The following LYN variants were observed in gnomAD, a reference collection of about 807,000 sequenced individuals.
The protein encoded by LYN is tyrosine-protein kinase Lyn.
LYN carries 12 observed loss-of-function variants against 65.0 expected under a neutral mutation model. The ratio of observed to expected loss-of-function variants is 0.18; its 90% CI spans 0.12 to 0.30. The LOEUF is 0.30. LYN is among the 10% of genes least tolerant of loss of function. The pLI is 1.00. For synonymous variants in LYN, 222 were observed against 221.2 expected (o/e 1.00, Z -0.03); for missense variants, 380 against 623.2 (o/e 0.61, Z 4.16).
At chr8:55,894,438 T>A (rs911994528) in intron 1 of LYN, among the ~76,000 whole-genome samples, 18 of 151,750 alleles carry the variant, frequency 1.2e-4, no homozygotes, top group African/African-American at 4.4e-4. Context: ...GGCTCAATCT[T>A]GGCTCACTGC....
chr8:55,980,618 A>G (rs574464377), intron 10 of LYN: 6 of 152,288 alleles, frequency 3.9e-5, no homozygotes, highest in African/African-American at 1.4e-4. Context: ...TTTTGGATAA[A>G]CACTAGCTTT....
chr8:55,997,056 G>C (rs1808390101), intron 10 of LYN, among the ~76,000 whole-genome samples: 1 of 151,944 alleles, frequency 6.6e-6, no homozygotes, highest in South Asian at 2.1e-4. Context: ...AGCTACTCGG[G>C]AGGCTGAGGA....
At position 55,962,662 on chromosome 8, in the gene LYN, G is replaced by A. The variant is rs140872933; in HGVS notation, c.791-4053G>A. Among the ~76,000 whole-genome samples the A allele has an allele frequency of 2.2e-3, 329 of 152,284 alleles. 2 individuals are homozygous for A. Among genetic ancestry groups the A allele is most frequent in the African/African-American group, 7.7e-3 (318 of 41,558 alleles). On this transcript the variant is annotated intron_variant, in intron 8 of 12. Coordinates refer to ENST00000519728, the MANE Select transcript of LYN (RefSeq NM_002350.4). Reference sequence around the variant, plus strand: ...TGCCATATTGTGCTGTGCTGCATGTGTTTTCAAGATATACGATCATTTATC... The same window carrying A: ...TGCCATATTGTGCTGTGCTGCATGTATTTTCAAGATATACGATCATTTATC...
intron 1 of LYN, among the ~76,000 whole-genome samples, chr8:55,888,829 C>T (rs557139826): frequency 1.2e-4 from 18 of 152,146 alleles, no homozygotes; most frequent in Middle Eastern, 3.4e-3. Flanking sequence ...TTGGCCACCA[C>T]GCCTGGCCGA....
At chr8:55,917,699 T>C (rs1385751319) in intron 1 of LYN, among the ~76,000 whole-genome samples, 1 of 152,238 alleles carries the variant, frequency 6.6e-6, no homozygotes, top group Non-Finnish European at 1.5e-5. Context: ...CAGTGTCTAT[T>C]GCATAATATG....
chr8:55,946,378 T>C (rs1806777812), intron 2 of LYN, 70 bp from the exon 3 acceptor site: 3 of 968,226 alleles, frequency 3.1e-6, no homozygotes, highest in Non-Finnish European at 5.0e-6. Context: ...ACAAAAATCA[T>C]ATATACAACA....
Position 55,966,863 on chromosome 8 carries a change from G to C in LYN, c.939G>C (p.Glu313Asp). The C allele has an allele frequency of 6.2e-7, 1 of 1,614,000 alleles. No homozygotes were observed. The highest frequency in any genetic ancestry group is 8.5e-7 in the Non-Finnish European group (1 of 1,179,974). Reference sequence around the variant, plus strand: ...TCTACGCTGTGGTCACCAGGGAGGAGCCCATTTACATCATCACCGAGTACA... The same window carrying C: ...TCTACGCTGTGGTCACCAGGGAGGACCCCATTTACATCATCACCGAGTACA... ...VRLYAVVTRE[E>D]PIYIITEYMA... The change falls in exon 9 of 13, where the codon GAG becomes GAC. Residue 313 changes from glutamate (E) to aspartate (D), a missense_variant. Physicochemically the swap from Glu to Asp is conservative, Grantham distance 45. This residue lies in a region of LYN where 223 missense variants were observed against 430.0 expected (regional missense o/e 0.52). Transcript: ENST00000519728.
intron 1 of LYN, among the ~76,000 whole-genome samples, chr8:55,890,831 G>C (rs1804938331): frequency 6.6e-6 from 1 of 151,462 alleles, no homozygotes. Context: ...GGGCTCAGGT[G>C]ATCCTCCCAC....
At chr8:56,002,303 C>T (rs960834368) in intron 12 of LYN, among the ~76,000 whole-genome samples, 51 of 152,128 alleles carry the variant, frequency 3.4e-4, no homozygotes, top group African/African-American at 1.2e-3. Context: ...CCTGTAGTCC[C>T]AGCTACTCGG....
intron 1 of LYN, among the ~76,000 whole-genome samples, chr8:55,911,721 C>T (rs761460854): frequency 1.3e-5 from 2 of 151,982 alleles, no homozygotes; most frequent in Non-Finnish European, 2.9e-5. Context: ...GGAGTCAAAG[C>T]GACATGAGAT....
intron 1 of LYN, among the ~76,000 whole-genome samples, chr8:55,881,526 G>A (rs957857007): frequency 1.3e-5 from 2 of 152,196 alleles, no homozygotes; most frequent in African/African-American, 4.8e-5. Context: ...AAGCAGGTAA[G>A]CGCTTTGAGG....
chr8:56,000,949 T>C (rs962999553), intron 12 of LYN, among the ~76,000 whole-genome samples: 2 of 152,050 alleles, frequency 1.3e-5, no homozygotes, highest in African/African-American at 2.4e-5. Context: ...GTGAATATTG[T>C]AGTGGGGAGA....
intron 12 of LYN, among the ~76,000 whole-genome samples, chr8:56,003,928 C>CTTTTTTTTTTTTTTTTTTTTT (rs1213079280): frequency 9.6e-6 from 1 of 104,702 alleles, no homozygotes; most frequent in Non-Finnish European, 1.9e-5. Context: ...ATATTTTATT[C>CTTTTTTTTTTTTTTTTTTTTT]TTTTTTTTTT....
chr8:56,003,460 T>C (rs879741522), intron 12 of LYN, among the ~76,000 whole-genome samples: 52 of 151,240 alleles, frequency 3.4e-4, no homozygotes, highest in Non-Finnish European at 5.8e-4. Context: ...AGGCCAGGAG[T>C]TCGAGACCAG....
chr8:56,001,796 T>C (rs1033116074), intron 12 of LYN, among the ~76,000 whole-genome samples: 1 of 152,068 alleles, frequency 6.6e-6, no homozygotes, highest in Non-Finnish European at 1.5e-5. Flanking sequence ...CATAAAAGAA[T>C]GTTTTGTGAT....
At chr8:55,904,273 G>C (rs1413288722) in intron 1 of LYN, among the ~76,000 whole-genome samples, 1 of 152,076 alleles carries the variant, frequency 6.6e-6, no homozygotes, top group Non-Finnish European at 1.5e-5. Context: ...ACCAAATTCA[G>C]GAGTAAGTAA....
chr8:56,009,584 A>G (rs112676659), intron 12 of LYN, among the ~76,000 whole-genome samples: 3,158 of 152,180 alleles, frequency 0.021, 104 homozygotes, highest in African/African-American at 0.071. Flanking sequence ...TTTCCCCTAT[A>G]CTAGTCTGTG....
chr8:55,996,639 C>T (rs1441768860), intron 10 of LYN, among the ~76,000 whole-genome samples: 1 of 151,640 alleles, frequency 6.6e-6, no homozygotes, highest in East Asian at 1.9e-4. Flanking sequence ...TGCTTGCTTT[C>T]TTCCATCCTT....
intron 12 of LYN, among the ~76,000 whole-genome samples, chr8:56,008,433 A>G (rs1157775792): frequency 6.6e-6 from 1 of 152,236 alleles, no homozygotes; most frequent in Non-Finnish European, 1.5e-5. Context: ...GATATTGTAT[A>G]TACTTTGCAT....
Sources: gnomAD v4.1 joint callset for allele counts (sites outside exome capture counted in the v4.1 genomes callset) on GRCh38, gnomAD v4.1.1 for gene constraint, gnomAD v4.1.1 regional missense constraint, MANE v1.5 for transcripts, NCBI Gene and HGNC (gene_info 2026-07-23, HGNC 2026-07-21) for gene names.